Variants in IGFBP7 observed in about 807,000 individuals in gnomAD.
IGFBP7 encodes the protein insulin-like growth factor-binding protein 7.
In IGFBP7, 31 loss-of-function variants were observed where a neutral mutation model predicts 29.4. The ratio of observed to expected loss-of-function variants is 1.05; its 90% CI spans 0.79 to 1.42. The LOEUF is 1.42. Among genes scored for constraint, IGFBP7 ranks in the 40% most tolerant of loss-of-function variants. The pLI is 0.00. For missense variants in IGFBP7, 393 were observed against 395.5 expected, an observed-to-expected ratio of 0.99 and a Z score of 0.05; for synonymous variants, 172 against 174.9, an observed-to-expected ratio of 0.98 and a Z score of 0.13.
chr4:57,046,576 C>T (rs1271438722), intron 1 of IGFBP7, among the ~76,000 whole-genome samples: 2 of 152,046 alleles, frequency 1.3e-5, no homozygotes, highest in Non-Finnish European at 2.9e-5. Context: ...GTTTGGATTC[C>T]GTTTAAAACA....
intron 1 of IGFBP7, among the ~76,000 whole-genome samples, chr4:57,100,052 A>ATTTCTT (rs1725857610): frequency 7.4e-6 from 1 of 135,162 alleles, no homozygotes; most frequent in Non-Finnish European, 1.6e-5. Context: ...TACGTTTCTT[A>ATTTCTT]TTTCTTTTTC....
At chr4:57,095,417 A>T (rs1158280198) in intron 1 of IGFBP7, among the ~76,000 whole-genome samples, 3 of 152,190 alleles carry the variant, frequency 2.0e-5, no homozygotes, top group African/African-American at 7.2e-5. Flanking sequence ...TATTGTACTT[A>T]TGCCTTCCTC....
chr4:57,075,961 C>T (rs1019336405), intron 1 of IGFBP7, among the ~76,000 whole-genome samples: 9 of 152,118 alleles, frequency 5.9e-5, no homozygotes, highest in African/African-American at 1.4e-4. Context: ...TTCAGGAATA[C>T]GATATAAAAA....
intron 1 of IGFBP7, among the ~76,000 whole-genome samples, chr4:57,095,211 G>A (rs549102549): frequency 9.9e-5 from 15 of 152,268 alleles, no homozygotes; most frequent in South Asian, 4.1e-4. Context: ...TTAATGAATC[G>A]TAATTTATAT....
chr4:57,109,794 G>C (rs978079340), intron 1 of IGFBP7, 83 bp downstream of exon 1: 4 of 1,438,410 alleles, frequency 2.8e-6, no homozygotes, highest in Middle Eastern at 2.5e-4. Flanking sequence ...AGCGCGGGGC[G>C]AGGCCGCCGC....
intron 1 of IGFBP7, among the ~76,000 whole-genome samples, chr4:57,041,739 A>G (rs750309995): frequency 1.3e-5 from 2 of 151,932 alleles, no homozygotes; most frequent in Admixed American, 6.6e-5. Flanking sequence ...GGGTCTTGCT[A>G]TGTTGCCCAG....
At chr4:57,102,091 ATTGT>A (rs1426601242) in intron 1 of IGFBP7, among the ~76,000 whole-genome samples, 1 of 152,142 alleles carries the variant, frequency 6.6e-6, no homozygotes, top group African/African-American at 2.4e-5. Context: ...ATGAGGTCAG[ATTGT>A]TTGTGGGGTA....
In IGFBP7 at chr4:57,053,882, G is replaced by A. The variant is rs13110858; in HGVS notation, c.476-12949C>T. Among the ~76,000 whole-genome samples the A allele has an allele frequency of 3.0e-3, 457 of 152,002 alleles. 2 individuals are homozygous for A. The highest frequency in any genetic ancestry group is 0.01 in the African/African-American group (432 of 41,456). On this transcript the variant is annotated intron_variant, in intron 1 of 4. Coordinates refer to ENST00000295666, the MANE Select transcript of IGFBP7 (RefSeq NM_001553.3). ...CAAGATATTAAATGTTTTTGCTAGC[G>A]CTTTCTTATTCTGCAAGCACTGAAT...
chr4:57,040,871 T>A lies in IGFBP7; in HGVS notation c.538A>T (p.Ser180Cys), dbSNP rs1047049288. ...GTCGGGATTCCGATGACCTCACAGC[T>A]CAAGTACACCTGGGCACCAGTGACA... ...WNVTGAQVYL[S>C]CEVIGIPTPV... The change falls in exon 2 of 5, where the codon AGC becomes TGC. Residue 180 changes from serine (S) to cysteine (C), a missense_variant. Transcript: ENST00000295666. The A allele has an allele frequency of 1.7e-5, 28 of 1,614,006 alleles. No homozygotes were observed. The highest frequency in any genetic ancestry group is 2.1e-5 in the Non-Finnish European group (25 of 1,180,004).
intron 1 of IGFBP7, among the ~76,000 whole-genome samples, chr4:57,096,155 C>T (rs1022460554): frequency 6.0e-5 from 9 of 151,210 alleles, no homozygotes; most frequent in East Asian, 5.9e-4. Flanking sequence ...GACATATTTC[C>T]GTTCTGTCTG....
chr4:57,066,252 C>T (rs1029879868), intron 1 of IGFBP7, among the ~76,000 whole-genome samples: 9 of 152,172 alleles, frequency 5.9e-5, no homozygotes, highest in African/African-American at 2.2e-4. Flanking sequence ...GGATCACTTG[C>T]TCTGGGAGAA....
intron 1 of IGFBP7, 64 bp downstream of exon 1, chr4:57,109,813 C>T (rs1365956096): frequency 1.6e-5 from 23 of 1,482,694 alleles, no homozygotes; most frequent in Non-Finnish European, 2.0e-5. Flanking sequence ...GCGGACGCCC[C>T]GTCGGATGTG....
intron 1 of IGFBP7, among the ~76,000 whole-genome samples, chr4:57,080,695 C>T (rs1160014673): frequency 6.6e-6 from 1 of 152,160 alleles, no homozygotes; most frequent in East Asian, 1.9e-4. Flanking sequence ...ACCTGGCTGA[C>T]ATTTTCTTTT....
intron 1 of IGFBP7, among the ~76,000 whole-genome samples, chr4:57,055,646 G>A (rs956690259): frequency 1.8e-4 from 8 of 44,022 alleles, no homozygotes; most frequent in Non-Finnish European, 2.3e-4. Flanking sequence ...GGGTCATCGC[G>A]GTTCTCCTGG....
chr4:57,054,509 C>T (rs999398097), intron 1 of IGFBP7, among the ~76,000 whole-genome samples: 1 of 151,782 alleles, frequency 6.6e-6, no homozygotes, highest in Admixed American at 6.6e-5. Flanking sequence ...TTTGGTAGCA[C>T]GTGCCTGTAG....
chr4:57,070,470 C>G (rs577982761), intron 1 of IGFBP7, among the ~76,000 whole-genome samples: 1 of 152,274 alleles, frequency 6.6e-6, no homozygotes, highest in Admixed American at 6.5e-5. Context: ...AGTACATGTC[C>G]TGCTGAAAAT....
At chr4:57,038,413 G>A (rs1482210504) in intron 2 of IGFBP7, among the ~76,000 whole-genome samples, 6 of 152,210 alleles carry the variant, frequency 3.9e-5, no homozygotes, top group Admixed American at 3.3e-4. Context: ...TTCTGATGGC[G>A]TGTGTACCTG....
At chr4:57,039,785 CA>C (rs139427936) in intron 2 of IGFBP7, among the ~76,000 whole-genome samples, 7,583 of 151,680 alleles carry the variant, frequency 0.05, 246 homozygotes, top group East Asian at 0.16. Flanking sequence ...TCACCATGCC[CA>C]GCTAATTAAA....
rs563579106 is a variant in IGFBP7 at position 57,087,958 on chromosome 4, T to C, written c.475+21919A>G. On this transcript the variant is annotated intron_variant, in intron 1 of 4. Coordinates refer to ENST00000295666, the MANE Select transcript of IGFBP7 (RefSeq NM_001553.3). ...AGGCAGGAGGATTCAGACTCTTTTCTTCTAAGTTTAGTACTTTATGTTTAT... is the reference window on the plus strand; with the variant it reads ...AGGCAGGAGGATTCAGACTCTTTTCCTCTAAGTTTAGTACTTTATGTTTAT... 2.0e-5 allele frequency among the ~76,000 whole-genome samples: 3 copies of C among 152,262 alleles called. No individual in the cohort carries two copies. The South Asian group carries it at 6.2e-4, about 32-fold the overall frequency.
Sources: allele counts gnomAD v4.1 joint callset (sites outside exome capture counted in the v4.1 genomes callset), GRCh38; gene constraint gnomAD v4.1.1; transcripts MANE v1.5; gene names NCBI Gene and HGNC (gene_info 2026-07-23, HGNC 2026-07-21).